The following FAM13B variants were observed in gnomAD, a reference collection of about 807,000 sequenced individuals.
The protein encoded by FAM13B is family with sequence similarity 13 member B.
A neutral mutation model predicts 117.3 loss-of-function variants in FAM13B; 60 were observed. The observed-to-expected ratio is 0.51, with a 90% CI of 0.42 to 0.63. The LOEUF (loss-of-function observed/expected upper bound fraction) is 0.63, where lower values mean the gene tolerates loss of function less well. Among genes scored for constraint, FAM13B ranks in the 30% least tolerant of loss-of-function variants. The pLI is 0.00. For synonymous variants in FAM13B, 332 were observed against 356.1 expected (o/e 0.93, Z 0.76); for missense variants, 972 against 1,091.9 (o/e 0.89, Z 1.55).
chr5:138,018,890 G>A, intron 3 of FAM13B, 65 bp downstream of exon 3: 1 of 1,332,240 alleles, frequency 7.5e-7, no homozygotes, highest in South Asian at 1.5e-5. Context: ...AAAATCCAAG[G>A]TCAAAAAGGT....
chr5:137,947,549 G>A (rs1478739203), intron 18 of FAM13B, among the ~76,000 whole-genome samples: 2 of 151,740 alleles, frequency 1.3e-5, no homozygotes, highest in Middle Eastern at 3.2e-3. Context: ...AGTGAGACAC[G>A]ATTTCTACCA....
At chr5:137,984,063 G>T (rs1010422948) in intron 10 of FAM13B, among the ~76,000 whole-genome samples, 3 of 152,144 alleles carry the variant, frequency 2.0e-5, no homozygotes, top group Admixed American at 6.5e-5. Flanking sequence ...ATTAAAAAAA[G>T]TTACTAACAA....
chr5:137,944,754 T>C (rs1762955251), intron 20 of FAM13B, among the ~76,000 whole-genome samples: 1 of 45,746 alleles, frequency 2.2e-5, no homozygotes, highest in Admixed American at 3.3e-4. Context: ...CGAGACTCCA[T>C]CTCAAAAACA....
chr5:137,951,300 G>C (rs1764962560), intron 17 of FAM13B, among the ~76,000 whole-genome samples: 1 of 150,230 alleles, frequency 6.7e-6, no homozygotes, highest in South Asian at 2.1e-4. Context: ...CAGGGACTCT[G>C]TCTGTCTTGT....
In FAM13B at chr5:137,949,100, G is replaced by A. The variant is rs916082428; in HGVS notation, c.2015C>T (p.Ser672Phe). 4 of 1,614,024 alleles carry A rather than the reference G, an allele frequency of 2.5e-6. No individual in the cohort carries two copies. Among genetic ancestry groups the A allele is most frequent in the African/African-American group, 2.7e-5 (2 of 74,938 alleles). ...SNTLPKSFGS[S>F]LDHEDEENED... ...ATTCTCTTCATCTTCATGGTCTAGA[G>A]AAGAGCCAAAGCTTTTTGGAAGTGT... Residue 672 changes from serine to phenylalanine, a missense_variant, in exon 18 of 24, where the codon TCT becomes TTT. By Grantham distance (155) the Ser-to-Phe change is radical. Transcript: ENST00000689681.
chr5:137,977,883 C>G (rs575997846), intron 10 of FAM13B, among the ~76,000 whole-genome samples: 1 of 152,292 alleles, frequency 6.6e-6, no homozygotes, highest in African/African-American at 2.4e-5. Context: ...CTGTTGGAAA[C>G]ATAAATATAA....
At chr5:138,020,678 C>T (rs1786493649) in intron 2 of FAM13B, 1 of 153,298 alleles carries the variant, frequency 6.5e-6, no homozygotes, top group Admixed American at 6.5e-5. Context: ...CCTAGAAAAA[C>T]AATTTCTTTC....
At chr5:137,960,057 A>G (rs1767716411) in intron 12 of FAM13B, 109 bp downstream of exon 12, 3 of 738,390 alleles carry the variant, frequency 4.1e-6, no homozygotes, top group Non-Finnish European at 6.8e-6. Context: ...ATTTGGTAAG[A>G]GTATTTATAT....
At chr5:138,043,727 C>T (rs985486772) in intron 1 of FAM13B, among the ~76,000 whole-genome samples, 9 of 152,080 alleles carry the variant, frequency 5.9e-5, no homozygotes, top group East Asian at 5.8e-4. Context: ...CGTCAGCCAC[C>T]GCACCCGGCC....
intron 1 of FAM13B, chr5:138,039,084 G>T (rs1791389378): frequency 6.6e-6 from 1 of 152,192 alleles, no homozygotes; most frequent in Non-Finnish European, 1.5e-5. Flanking sequence ...AGAATTCAGT[G>T]TATGACAATA....
At chr5:138,036,616 C>T (rs1477887391), upstream of FAM13B, 1 of 456,492 alleles carries the variant, frequency 2.2e-6, no homozygotes, top group African/African-American at 2.0e-5. Flanking sequence ...AAGACATTGT[C>T]CTCAATAATT....
intron 1 of FAM13B, among the ~76,000 whole-genome samples, chr5:138,040,147 C>T (rs1791440924): frequency 6.6e-6 from 1 of 151,382 alleles, no homozygotes; most frequent in African/African-American, 2.4e-5. Flanking sequence ...GCCTGTAATC[C>T]CAGCTACTGG....
intron 10 of FAM13B, among the ~76,000 whole-genome samples, chr5:137,978,859 A>G (rs1309045486): frequency 6.6e-6 from 1 of 152,148 alleles, no homozygotes; most frequent in Non-Finnish European, 1.5e-5. Flanking sequence ...TGCTTCATAT[A>G]AACCACCTTG....
At chr5:137,946,996 T>C (rs1282945520) in intron 18 of FAM13B, among the ~76,000 whole-genome samples, 1 of 152,222 alleles carries the variant, frequency 6.6e-6, no homozygotes, top group Non-Finnish European at 1.5e-5. Context: ...CAGCTTTTAG[T>C]AGTCTAATTA....
intron 14 of FAM13B, 149 bp downstream of exon 14, chr5:137,956,328 C>G (rs1581084401): frequency 2.4e-6 from 1 of 421,912 alleles, no homozygotes; most frequent in East Asian, 3.7e-5. Context: ...TAAGAAAAGA[C>G]AAAAGTAATA....
At chr5:138,037,281 A>G (rs778545052), upstream of FAM13B, 83 of 152,970 alleles carry the variant, frequency 5.4e-4, no homozygotes, top group Non-Finnish European at 9.3e-4. Flanking sequence ...ATTGTTATTT[A>G]TTTGCAAGAT....
intron 15 of FAM13B, 105 bp downstream of exon 15, chr5:137,954,059 TTG>T: frequency 2.3e-4 from 128 of 560,606 alleles, no homozygotes; most frequent in South Asian, 9.3e-4. Context: ...TTTTTTTTTT[TTG>T]AGATGGAGTT....
At chr5:137,990,175 G>A (rs1204322810) in intron 7 of FAM13B, among the ~76,000 whole-genome samples, 1 of 152,138 alleles carries the variant, frequency 6.6e-6, no homozygotes, top group Non-Finnish European at 1.5e-5. Flanking sequence ...GGTGCGATCT[G>A]TTTTATTTTC....
At chr5:137,983,047 C>A (rs1433875945) in intron 10 of FAM13B, among the ~76,000 whole-genome samples, 1 of 151,790 alleles carries the variant, frequency 6.6e-6, no homozygotes, top group African/African-American at 2.4e-5. Context: ...TTAGACTAAA[C>A]AAGATTACCA....
Sources: allele counts gnomAD v4.1 joint callset (sites outside exome capture counted in the v4.1 genomes callset), GRCh38; gene constraint gnomAD v4.1.1; transcripts MANE v1.5; gene names NCBI Gene and HGNC (gene_info 2026-07-23, HGNC 2026-07-21).